The following CPM variants were observed in gnomAD, a reference collection of about 807,000 sequenced individuals.
The protein encoded by CPM is carboxypeptidase M, also known as renal carboxypeptidase.
Under a neutral mutation model 46.4 loss-of-function variants are expected in CPM, and 35 were observed. That is an observed-to-expected ratio of 0.75 (90% CI 0.58 to 1.00). The LOEUF (loss-of-function observed/expected upper bound fraction) is 1.00. Ranked by LOEUF, CPM falls within the 50% of genes least tolerant of loss-of-function variation. CPM has a pLI of 0.00. For missense variants in CPM, 422 were observed against 530.4 expected (o/e 0.80, Z 2.01); for synonymous variants, 195 against 195.3 (o/e 1.00, Z 0.01).
chr12:68,903,368 A>G (rs186752356), intron 2 of CPM, among the ~76,000 whole-genome samples: 18 of 152,224 alleles, frequency 1.2e-4, no homozygotes, highest in African/African-American at 4.3e-4. Context: ...AAGGACCAAC[A>G]CTGAATGTTA....
intron 6 of CPM, among the ~76,000 whole-genome samples, chr12:68,868,223 T>C (rs1885541165): frequency 1.3e-5 from 2 of 151,996 alleles, no homozygotes; most frequent in South Asian, 4.2e-4. Flanking sequence ...AGCCCTAAGG[T>C]AGGAGAGGGG....
At position 68,851,395 on chromosome 12, in the gene CPM, A is replaced by T. The variant is rs553512782; in HGVS notation, c.*5042T>A. 1 of 152,724 alleles carries T rather than the reference A, an allele frequency of 6.5e-6. No individual in the cohort carries two copies. Among genetic ancestry groups the T allele is most frequent in the Non-Finnish European group, 1.5e-5 (1 of 68,104 alleles). 9.5% of individuals were successfully genotyped at this position (152,724 alleles called of 1,614,324 possible). ...TCCAGGCAGAGGCAGGCAGATCATG[A>T]GGTCAGGAGATCGAGACCATCCTGG... On this transcript the variant is annotated 3_prime_UTR_variant, in exon 9 of 9. Coordinates refer to ENST00000551568, the MANE Select transcript of CPM (RefSeq NM_198320.5).
At chr12:68,945,466 T>A (rs986060369) in intron 1 of CPM, among the ~76,000 whole-genome samples, 1 of 152,156 alleles carries the variant, frequency 6.6e-6, no homozygotes, top group Non-Finnish European at 1.5e-5. Context: ...GCTGGGGAGA[T>A]GGGAAAAGGC....
chr12:68,901,884 GAA>G (rs1225043379), intron 2 of CPM, among the ~76,000 whole-genome samples: 4 of 152,102 alleles, frequency 2.6e-5, no homozygotes. Flanking sequence ...AGAGGAGAGA[GAA>G]GGGGAGAGGG....
intron 1 of CPM, among the ~76,000 whole-genome samples, chr12:68,951,129 T>A (rs1219190435): frequency 6.6e-6 from 1 of 152,238 alleles, no homozygotes; most frequent in East Asian, 1.9e-4. Flanking sequence ...CTTACAACTG[T>A]GTGATCTTAG....
chr12:68,885,945 T>C lies in CPM; in HGVS notation c.161-56A>G, dbSNP rs1886409325. Reference sequence around the variant, plus strand: ...GTAAGTTGTCTCTTAAAATGACAAATGAACTCTGGTAAGACTAGGAAACAG... The same window carrying C: ...GTAAGTTGTCTCTTAAAATGACAAACGAACTCTGGTAAGACTAGGAAACAG... On this transcript the variant is annotated intron_variant, in intron 2 of 8. Transcript: ENST00000551568. The C allele has an allele frequency of 4.1e-6, 6 of 1,453,672 alleles. No individual in the cohort carries two copies. In the South Asian group the frequency reaches 7.0e-5, roughly 17 times the overall value. 90.0% of individuals were successfully genotyped at this position (1,453,672 alleles called of 1,614,324 possible).
intron 2 of CPM, among the ~76,000 whole-genome samples, chr12:68,931,715 C>A (rs2136322800): frequency 7.9e-6 from 1 of 127,196 alleles, no homozygotes; most frequent in Non-Finnish European, 1.6e-5. Flanking sequence ...CACTGCACTC[C>A]AGCCTGGGCA....
intron 5 of CPM, chr12:68,845,451 T>C (rs1387632313): frequency 4.8e-6 from 1 of 208,366 alleles, no homozygotes; most frequent in East Asian, 7.3e-5. Context: ...GCGTGTTCAG[T>C]AACTTATTCA....
chr12:68,942,984 A>G (rs910404888), intron 1 of CPM, among the ~76,000 whole-genome samples: 8 of 152,244 alleles, frequency 5.3e-5, no homozygotes, highest in Non-Finnish European at 1.0e-4. Flanking sequence ...AAATAGAGTG[A>G]GTGAAGCATC....
At chr12:68,898,629 T>C (rs1280099064) in intron 2 of CPM, among the ~76,000 whole-genome samples, 3 of 152,208 alleles carry the variant, frequency 2.0e-5, no homozygotes, top group Non-Finnish European at 4.4e-5. Flanking sequence ...AAAACCAGCA[T>C]TGAGCAGCAC....
rs1292200779 is a variant in CPM at position 68,858,997 on chromosome 12, G to A, written c.1015C>T (p.His339Tyr). The change falls in exon 8 of 9, where the codon CAT becomes TAT. Residue 339 changes from histidine (H) to tyrosine (Y), a missense_variant. Coordinates refer to ENST00000551568, the MANE Select transcript of CPM (RefSeq NM_198320.5). ...NVIVEVQDRK[H>Y]ICPYRTNKYG... ...TTGTTGGTTCTATAGGGGCAGATATGTTTTCTGTCTTGGACTTCCACAATT... is the reference window on the plus strand; with the variant it reads ...TTGTTGGTTCTATAGGGGCAGATATATTTTCTGTCTTGGACTTCCACAATT... 2 of 1,574,254 alleles carry A rather than the reference G, an allele frequency of 1.3e-6. No homozygotes were observed. Among genetic ancestry groups the A allele is most frequent in the Admixed American group, 1.8e-5 (1 of 56,020 alleles).
intron 2 of CPM, among the ~76,000 whole-genome samples, chr12:68,912,860 G>A (rs952176337): frequency 6.6e-6 from 1 of 152,206 alleles, no homozygotes; most frequent in Admixed American, 6.5e-5. Flanking sequence ...TTTAGCAGAT[G>A]TAAAAGCTTA....
At chr12:68,883,898 C>T (rs2589287) in intron 3 of CPM, among the ~76,000 whole-genome samples, 127,682 of 148,960 alleles carry the variant, frequency 0.86, 54,874 homozygotes, top group Non-Finnish European at 0.87. Context: ...GGTTCGAGAC[C>T]AGCTTGGCCA....
chr12:68,890,327 G>A (rs1886603718), intron 2 of CPM, among the ~76,000 whole-genome samples: 1 of 151,190 alleles, frequency 6.6e-6, no homozygotes, highest in Non-Finnish European at 1.5e-5. Flanking sequence ...ATAAAGCTGA[G>A]TAATTATTTT....
chr12:68,874,452 C>T, intron 3 of CPM, among the ~76,000 whole-genome samples: 1 of 151,974 alleles, frequency 6.6e-6, no homozygotes, highest in South Asian at 2.1e-4. Flanking sequence ...CCCATCTCTA[C>T]TAAAAATACA....
intron 1 of CPM, among the ~76,000 whole-genome samples, chr12:68,958,456 A>G (rs1889061106): frequency 6.6e-6 from 1 of 152,008 alleles, no homozygotes; most frequent in African/African-American, 2.4e-5. Context: ...CTGTCGCAGG[A>G]AATGAAACCA....
At chr12:68,961,927 G>A (rs753253081) in intron 1 of CPM, among the ~76,000 whole-genome samples, 18 of 151,700 alleles carry the variant, frequency 1.2e-4, no homozygotes, top group Non-Finnish European at 2.1e-4. Flanking sequence ...ATGGCCGGGC[G>A]TGGTGGCTCA....
intron 2 of CPM, among the ~76,000 whole-genome samples, chr12:68,903,906 T>C (rs1004144510): frequency 1.5e-5 from 2 of 135,682 alleles, no homozygotes; most frequent in Admixed American, 7.2e-5. Flanking sequence ...TTCTTTCTTT[T>C]GACTGGGTCT....
chr12:68,946,193 T>G lies in CPM; in HGVS notation c.-3-13353A>C, dbSNP rs188150018. On this transcript the variant is annotated intron_variant, in intron 1 of 8. Coordinates refer to the CPM transcript ENST00000546373. ...AATCTAATAACAGGCATGCTATAGG[T>G]TTTTTTTGAAACATAATTTTTCCCT... Among the ~76,000 whole-genome samples, 571 of 151,952 alleles carry G rather than the reference T, an allele frequency of 3.8e-3. 5 individuals are homozygous for G. The highest frequency in any genetic ancestry group is 0.029 in the South Asian group (140 of 4,794).
Sources: gnomAD v4.1 joint callset for allele counts (sites outside exome capture counted in the v4.1 genomes callset) on GRCh38, gnomAD v4.1.1 for gene constraint, MANE v1.5 for transcripts, NCBI Gene and HGNC (gene_info 2026-07-23, HGNC 2026-07-21) for gene names.